Variants in PYHIN1 observed in about 807,000 individuals in gnomAD.
PYHIN1 encodes the protein pyrin and HIN domain-containing protein 1.
Under a neutral mutation model 43.7 loss-of-function variants are expected in PYHIN1, and 32 were observed. The ratio of observed to expected loss-of-function variants is 0.73; its 90% confidence interval spans 0.55 to 0.98. PYHIN1 has a LOEUF of 0.98. Ranked by LOEUF, PYHIN1 falls within the 50% of genes least tolerant of loss-of-function variation. The pLI is 0.00. For missense variants in PYHIN1, 588 were observed against 589.5 expected (o/e 1.00, Z 0.03); for synonymous variants, 205 against 203.1 (o/e 1.01, Z -0.08).
Position 158,976,640 on chromosome 1 carries a change from G to T in PYHIN1, c.*6-61G>T. The T allele has an allele frequency of 3.7e-6, 5 of 1,339,912 alleles. No homozygotes were observed. In the East Asian group the frequency reaches 7.3e-5, roughly 20 times the overall value. The allele number at this position is 1,339,912 out of a possible 1,614,324, so 83.0% of individuals were successfully genotyped here. A position where few individuals can be genotyped will look rare whatever the true frequency, so the allele number is the denominator to read the frequency against. ...AGGGAGGAGAGGCAGTGTGATTGAAGAAAGAAATGTATGACTCCCTGCATC... is the reference window on the plus strand; with the variant it reads ...AGGGAGGAGAGGCAGTGTGATTGAATAAAGAAATGTATGACTCCCTGCATC... On this transcript the variant is annotated intron_variant, in intron 8 of 8. Transcript: ENST00000368140.
At position 158,971,322 on chromosome 1, in the gene PYHIN1, G is replaced by C. The variant is rs999953844; in HGVS notation, c.1360-2325G>C. Among the ~76,000 whole-genome samples, 10 of 151,928 alleles carry C rather than the reference G, an allele frequency of 6.6e-5. No individual in the cohort carries two copies. The East Asian group carries it at 1.2e-3, about 18-fold the overall frequency. On this transcript the variant is annotated intron_variant, in intron 7 of 8. Transcript: ENST00000368140. ...CCTTAATTATTTTCCTTAGTAAAGA[G>C]AGTGATTTGATATTGGAAGTAGAAC...
chr1:158,962,677 A>G (rs928403024), intron 7 of PYHIN1, among the ~76,000 whole-genome samples: 1 of 152,184 alleles, frequency 6.6e-6, no homozygotes, highest in East Asian at 1.9e-4. Flanking sequence ...GGGCCTGGTC[A>G]CTACACTGGC....
At chr1:158,975,846 T>C (rs950381347) in intron 8 of PYHIN1, among the ~76,000 whole-genome samples, 3 of 152,114 alleles carry the variant, frequency 2.0e-5, no homozygotes, top group Admixed American at 2.0e-4. Context: ...AAGTACCTAA[T>C]AGAATGGAAA....
intron 7 of PYHIN1, among the ~76,000 whole-genome samples, chr1:158,952,022 C>T (rs919953083): frequency 1.2e-4 from 18 of 151,974 alleles, no homozygotes; most frequent in African/African-American, 3.9e-4. Context: ...TGCTGTGGTC[C>T]GCCTGCGGAG....
chr1:158,974,892 T>A (rs1234846475), intron 8 of PYHIN1, among the ~76,000 whole-genome samples: 2 of 152,070 alleles, frequency 1.3e-5, no homozygotes, highest in Non-Finnish European at 1.5e-5. Context: ...ATAGACATAA[T>A]TGAACATCCC....
intron 7 of PYHIN1, among the ~76,000 whole-genome samples, chr1:158,968,933 A>G (rs961706256): frequency 2.6e-5 from 4 of 151,910 alleles, no homozygotes; most frequent in Non-Finnish European, 5.9e-5. Context: ...TGAAAAAACA[A>G]TTCTTAGTGG....
chr1:158,931,809 T>A (rs1334056724), intron 1 of PYHIN1, 33 bp downstream of exon 1: 3 of 152,136 alleles, frequency 2.0e-5, no homozygotes, highest in Non-Finnish European at 4.4e-5. Context: ...ATAGAAAAGA[T>A]CTAGATGCTT....
At chr1:158,988,357 C>T in the PYHIN1 span, among the ~76,000 whole-genome samples, 1 of 152,086 alleles carries the variant, frequency 6.6e-6, no homozygotes, top group African/African-American at 2.4e-5. Context: ...AATATAAAAA[C>T]TATAGGTTGC....
intron 7 of PYHIN1, among the ~76,000 whole-genome samples, chr1:158,956,682 G>GA (rs1285054410): frequency 2.6e-5 from 4 of 151,084 alleles, no homozygotes; most frequent in Non-Finnish European, 5.9e-5. Context: ...CATTCCCTTT[G>GA]AAAACTGGCA....
Position 158,943,815 on chromosome 1 carries a change from T to A in PYHIN1, c.1028T>A (p.Ile343Asn), listed in dbSNP as rs746098956. Residue 343 changes from isoleucine to asparagine, a missense_variant, in exon 6 of 9, where the codon ATC becomes AAC. By Grantham distance (149) the Ile-to-Asn change is moderately radical. Coordinates refer to ENST00000368140, the MANE Select transcript of PYHIN1 (RefSeq NM_152501.5). ...HTKIVNRKTT[I>N]YEIQDKTGSM... ...AAAATTGTAAATAGGAAGACGACAA[T>A]CTATGAAATTCAGGATAAAACAGGA... 1.2e-6 allele frequency: 2 copies of A among 1,600,044 alleles called. No homozygotes were observed. Among genetic ancestry groups the A allele is most frequent in the Non-Finnish European group, 8.5e-7 (1 of 1,172,866 alleles).
chr1:158,958,576 A>T (rs984398987), intron 7 of PYHIN1, among the ~76,000 whole-genome samples: 17 of 127,878 alleles, frequency 1.3e-4, no homozygotes, highest in African/African-American at 5.1e-4. Flanking sequence ...TGGACACAGG[A>T]AGGGGAATAT....
intron 4 of PYHIN1, chr1:158,939,513 A>T: frequency 6.4e-7 from 1 of 1,550,718 alleles, no homozygotes; most frequent in Non-Finnish European, 8.7e-7. Flanking sequence ...CAACAGACTC[A>T]CTGTCTACTG....
At chr1:158,958,416 C>G (rs1650100208) in intron 7 of PYHIN1, among the ~76,000 whole-genome samples, 1 of 143,696 alleles carries the variant, frequency 7.0e-6, no homozygotes, top group Non-Finnish European at 1.5e-5. Context: ...CCATGGAATA[C>G]TATGCAGCCA....
At chr1:158,977,903 A>G (rs962663565), downstream of PYHIN1, among the ~76,000 whole-genome samples, 5 of 152,142 alleles carry the variant, frequency 3.3e-5, no homozygotes, top group Non-Finnish European at 5.9e-5. Context: ...ACAATGAATA[A>G]GACGGATTCC....
At chr1:158,956,595 G>A (rs1038259496) in intron 7 of PYHIN1, among the ~76,000 whole-genome samples, 10 of 151,780 alleles carry the variant, frequency 6.6e-5, no homozygotes, top group Non-Finnish European at 1.5e-4. Context: ...GTACTGATGG[G>A]ACGTATTTCA....
At chr1:158,938,295 T>G (rs914225206) in intron 2 of PYHIN1, 102 bp from the exon 3 acceptor site, 1 of 1,277,212 alleles carries the variant, frequency 7.8e-7, no homozygotes, top group African/African-American at 1.5e-5. Flanking sequence ...AAAATACACC[T>G]GAACCCTCAA....
intron 7 of PYHIN1, among the ~76,000 whole-genome samples, chr1:158,953,430 G>A (rs560169202): frequency 2.7e-5 from 4 of 148,838 alleles, no homozygotes; most frequent in Non-Finnish European, 6.0e-5. Flanking sequence ...CCTCCTCAAG[G>A]GGGTCCCTGA....
At chr1:158,966,583 G>T (rs1235102986) in intron 7 of PYHIN1, among the ~76,000 whole-genome samples, 1 of 151,882 alleles carries the variant, frequency 6.6e-6, no homozygotes, top group East Asian at 1.9e-4. Context: ...AATAAATGTG[G>T]TTCATCACAT....
chr1:158,963,381 G>A (rs1204493134), intron 7 of PYHIN1, among the ~76,000 whole-genome samples: 1 of 152,138 alleles, frequency 6.6e-6, no homozygotes, highest in Non-Finnish European at 1.5e-5. Flanking sequence ...TTTCTCTGGG[G>A]TGGACCACCA....
Sources: allele counts gnomAD v4.1 joint callset (sites outside exome capture counted in the v4.1 genomes callset), GRCh38; gene constraint gnomAD v4.1.1; transcripts MANE v1.5; gene names NCBI Gene and HGNC (gene_info 2026-07-23, HGNC 2026-07-21).